MTSS1: variants seen among roughly 807,000 people sequenced by gnomAD.
The protein encoded by MTSS1 is protein MTSS 1.
A neutral mutation model predicts 79.0 loss-of-function variants in MTSS1; 18 were observed. The observed-to-expected ratio is 0.23, with a 90% CI of 0.16 to 0.34. The LOEUF (loss-of-function observed/expected upper bound fraction) is 0.34, where lower values mean the gene tolerates loss of function less well. Among genes scored for constraint, MTSS1 ranks in the 10% least tolerant of loss-of-function variants. The probability of loss-of-function intolerance (pLI) is 1.00; values close to 1 mark genes in which losing one functional copy is unlikely to be tolerated. For missense variants in MTSS1, 815 were observed against 986.2 expected (o/e 0.83, Z 2.33); for synonymous variants, 341 against 368.6 (o/e 0.93, Z 0.86).
intron 3 of MTSS1, among the ~76,000 whole-genome samples, chr8:124,688,532 C>T (rs1401217059): frequency 6.6e-6 from 1 of 152,092 alleles, no homozygotes; most frequent in Non-Finnish European, 1.5e-5. Flanking sequence ...CAAAAATAGC[C>T]TCCCCCCTTC....
At chr8:124,621,404 G>A (rs1029417412) in intron 3 of MTSS1, among the ~76,000 whole-genome samples, 12 of 152,338 alleles carry the variant, frequency 7.9e-5, no homozygotes, top group Non-Finnish European at 1.5e-4. Flanking sequence ...GGCACTTGGT[G>A]GGGGCAGTCT....
At chr8:124,620,248 C>T (rs1813235013) in intron 3 of MTSS1, among the ~76,000 whole-genome samples, 1 of 152,126 alleles carries the variant, frequency 6.6e-6, no homozygotes, top group Non-Finnish European at 1.5e-5. Flanking sequence ...GCCCAGCCAG[C>T]ACAACTGTTT....
At chr8:124,699,270 G>C (rs1200011052) in intron 3 of MTSS1, 1 of 479,056 alleles carries the variant, frequency 2.1e-6, no homozygotes. Flanking sequence ...AGTGATCAAA[G>C]AACCCATCAA....
chr8:124,719,839 C>A (rs1474399000), intron 1 of MTSS1, among the ~76,000 whole-genome samples: 1 of 152,132 alleles, frequency 6.6e-6, no homozygotes, highest in African/African-American at 2.4e-5. Flanking sequence ...ATGCTAAGCC[C>A]TCGACTTTTA....
rs1312249903 is a variant in MTSS1 at position 124,552,696 on chromosome 8, C to CAAAG, written c.*292_*295dup. The CAAAG allele has an allele frequency of 2.5e-5, 9 of 353,154 alleles. No individual in the cohort carries two copies. Among genetic ancestry groups the CAAAG allele is most frequent in the Non-Finnish European group, 3.6e-5 (7 of 196,082 alleles). 21.9% of individuals were successfully genotyped at this position (353,154 alleles called of 1,614,324 possible). On this transcript the variant is annotated 3_prime_UTR_variant, in exon 14 of 14. Transcript: ENST00000518547. ...CCCCCTTTATGCATTTAAAATTTTA[C>CAAAG]AAAGACTTGTAAAAAAGTTAAATGG...
intron 5 of MTSS1, among the ~76,000 whole-genome samples, chr8:124,588,498 G>A (rs1831264231): frequency 6.6e-6 from 1 of 152,116 alleles, no homozygotes. Context: ...TATTTGCTGT[G>A]CAGATTACAC....
intron 3 of MTSS1, among the ~76,000 whole-genome samples, chr8:124,601,179 G>C (rs373474902): frequency 1.3e-5 from 2 of 149,166 alleles, no homozygotes; most frequent in South Asian, 2.1e-4. Flanking sequence ...TCCTGCCTCA[G>C]CCACCCGAGT....
rs145263619 is a variant in MTSS1 at position 124,627,673 on chromosome 8, C to CGG, written c.209-36440_209-36439dup. The stretch of plus-strand genomic sequence containing the variant: ...AGCCCTGGGAGATGGCCAGGGGTGG[C>CGG]GGGGGGGTCCCCCAGGGATCACTGA... On this transcript the variant is annotated intron_variant, in intron 3 of 13. Transcript: ENST00000518547. Among the ~76,000 whole-genome samples, 1,064 of 152,026 alleles carry CGG rather than the reference C, an allele frequency of 7.0e-3. 13 individuals carry two copies. Among genetic ancestry groups the CGG allele is most frequent in the African/African-American group, 0.024 (997 of 41,454 alleles).
intron 5 of MTSS1, among the ~76,000 whole-genome samples, chr8:124,588,212 C>T (rs1831206653): frequency 6.6e-6 from 1 of 152,168 alleles, no homozygotes. Flanking sequence ...CAGAATAAAC[C>T]ATCCCCATAG....
chr8:124,558,316 C>T (rs565513620), intron 10 of MTSS1, among the ~76,000 whole-genome samples: 1 of 129,530 alleles, frequency 7.7e-6, no homozygotes, highest in African/African-American at 3.0e-5. Context: ...CATTCTCAAT[C>T]AAGGGCAGGG....
At chr8:124,598,432 G>T (rs748845517) in intron 3 of MTSS1, among the ~76,000 whole-genome samples, 1 of 152,142 alleles carries the variant, frequency 6.6e-6, no homozygotes, top group Non-Finnish European at 1.5e-5. Context: ...TCCCCAGGGG[G>T]CAAACTCGTC....
At chr8:124,602,208 AT>A (rs936616073) in intron 3 of MTSS1, among the ~76,000 whole-genome samples, 2 of 81,760 alleles carry the variant, frequency 2.4e-5, no homozygotes, top group Non-Finnish European at 2.1e-5. Context: ...TATATATATA[AT>A]TTTTTTTTGA....
At chr8:124,601,473 G>A (rs1049483549) in intron 3 of MTSS1, among the ~76,000 whole-genome samples, 61 of 152,342 alleles carry the variant, frequency 4.0e-4, no homozygotes, top group African/African-American at 1.3e-3. Flanking sequence ...TCGGGACTGT[G>A]TCATGGGACG....
intron 3 of MTSS1, among the ~76,000 whole-genome samples, chr8:124,649,095 C>T (rs972993870): frequency 2.0e-5 from 3 of 152,252 alleles, no homozygotes; most frequent in Non-Finnish European, 2.9e-5. Flanking sequence ...AACCCTAAAT[C>T]AAGAGCTGGC....
intron 3 of MTSS1, among the ~76,000 whole-genome samples, chr8:124,697,775 T>C (rs1438409383): frequency 2.6e-5 from 4 of 152,182 alleles, no homozygotes; most frequent in South Asian, 4.2e-4. Flanking sequence ...ACATAAGCTA[T>C]GGAGTAATTT....
intron 6 of MTSS1, 149 bp downstream of exon 6, chr8:124,584,938 A>G (rs1247144135): frequency 1.5e-6 from 1 of 665,134 alleles, no homozygotes; most frequent in Non-Finnish European, 2.6e-6. Context: ...CACTTTGAGA[A>G]TGTGAACTCA....
intron 3 of MTSS1, among the ~76,000 whole-genome samples, chr8:124,654,736 T>G (rs556371493): frequency 6.6e-6 from 1 of 152,292 alleles, no homozygotes; most frequent in Admixed American, 6.5e-5. Context: ...CACATGACTA[T>G]CTGACAAGCA....
chr8:124,680,421 A>G (rs907615890), intron 3 of MTSS1, among the ~76,000 whole-genome samples: 3 of 152,208 alleles, frequency 2.0e-5, no homozygotes, highest in Non-Finnish European at 2.9e-5. Flanking sequence ...GCTCTCAGCT[A>G]ACAGTGGCTA....
intron 6 of MTSS1, among the ~76,000 whole-genome samples, chr8:124,572,743 CTTTTTT>C (rs747243821): frequency 1.1e-4 from 13 of 123,670 alleles, no homozygotes; most frequent in South Asian, 2.6e-4. Flanking sequence ...CTTTTCTTTT[CTTTTTT>C]TTTTTTTTTT....
Sources: gnomAD v4.1 joint callset for allele counts (sites outside exome capture counted in the v4.1 genomes callset) on GRCh38, gnomAD v4.1.1 for gene constraint, MANE v1.5 for transcripts, NCBI Gene and HGNC (gene_info 2026-07-23, HGNC 2026-07-21) for gene names.